TSHZ2: variants seen among roughly 807,000 people sequenced by gnomAD.
The protein encoded by TSHZ2 is teashirt zinc finger homeobox 2.
A neutral mutation model predicts 74.4 loss-of-function variants in TSHZ2; 21 were observed. The observed-to-expected ratio is 0.28, with a 90% CI of 0.20 to 0.41. The LOEUF (loss-of-function observed/expected upper bound fraction) is 0.41. Ranked by LOEUF, TSHZ2 falls within the 10% of genes least tolerant of loss-of-function variation. The probability of loss-of-function intolerance (pLI) is 1.00; values close to 1 mark genes in which losing one functional copy is unlikely to be tolerated. For synonymous variants in TSHZ2, 540 were observed against 515.3 expected, an observed-to-expected ratio of 1.05 and a Z score of -0.65; for missense variants, 1,244 against 1,293.5, an observed-to-expected ratio of 0.96 and a Z score of 0.59.
intron 2 of TSHZ2, among the ~76,000 whole-genome samples, chr20:53,436,080 G>A (rs186142977): frequency 4.0e-4 from 61 of 152,246 alleles, no homozygotes; most frequent in African/African-American, 1.3e-3. Flanking sequence ...ATCATCAGGC[G>A]TAGTGCAGTA....
chr20:53,141,350 T>G (rs1987397581), intron 1 of TSHZ2, among the ~76,000 whole-genome samples: 1 of 151,928 alleles, frequency 6.6e-6, no homozygotes, highest in African/African-American at 2.4e-5. Context: ...CATTAGTTCT[T>G]AGATAGTGTT....
intron 1 of TSHZ2, among the ~76,000 whole-genome samples, chr20:53,016,596 T>C (rs1404676134): frequency 6.6e-6 from 1 of 152,182 alleles, no homozygotes; most frequent in Non-Finnish European, 1.5e-5. Flanking sequence ...TTTTTCCTTT[T>C]TACGGTTTCC....
At chr20:53,270,567 A>G (rs1990813330) in intron 2 of TSHZ2, among the ~76,000 whole-genome samples, 1 of 152,110 alleles carries the variant, frequency 6.6e-6, no homozygotes, top group Non-Finnish European at 1.5e-5. Flanking sequence ...AAATGTCAGC[A>G]CCATTCTGGC....
intron 2 of TSHZ2, among the ~76,000 whole-genome samples, chr20:53,422,534 C>A (rs1364182034): frequency 6.6e-6 from 1 of 152,064 alleles, no homozygotes; most frequent in Admixed American, 6.5e-5. Context: ...ATCTCAGAAC[C>A]ACCCCCCTCA....
intron 1 of TSHZ2, among the ~76,000 whole-genome samples, chr20:53,097,072 C>T (rs889553145): frequency 2.6e-5 from 4 of 152,074 alleles, no homozygotes; most frequent in African/African-American, 7.2e-5. Flanking sequence ...CCCCAACATC[C>T]GCACTGTAGA....
intron 1 of TSHZ2, among the ~76,000 whole-genome samples, chr20:53,205,552 C>T (rs1354488342): frequency 1.3e-5 from 2 of 152,160 alleles, no homozygotes; most frequent in Admixed American, 1.3e-4. Context: ...TCTACATCTT[C>T]CTTCTTTTGT....
chr20:53,468,856 A>G (rs898413367), intron 2 of TSHZ2, among the ~76,000 whole-genome samples: 23 of 150,524 alleles, frequency 1.5e-4, no homozygotes, highest in African/African-American at 4.4e-4. Context: ...CAGTGTGTCA[A>G]TTATGACCCG....
At chr20:53,185,265 C>T (rs1988572769) in intron 1 of TSHZ2, 1 of 1,014,226 alleles carries the variant, frequency 9.9e-7, no homozygotes, top group Non-Finnish European at 1.2e-6. Flanking sequence ...CATAAAACCT[C>T]GTGGGTTCAA....
At chr20:53,231,196 C>T (rs532315864) in intron 1 of TSHZ2, among the ~76,000 whole-genome samples, 1 of 152,200 alleles carries the variant, frequency 6.6e-6, no homozygotes, top group African/African-American at 2.4e-5. Context: ...CTAAAACAAG[C>T]GGAATAAACA....
rs1036074023 is a variant in TSHZ2, at chr20:53,216,837, C to T, written c.41-36662C>T. Among the ~76,000 whole-genome samples, 17 of 152,306 alleles carry T rather than the reference C, an allele frequency of 1.1e-4. 1 individual carries two copies. Among genetic ancestry groups the T allele is most frequent in the Admixed American group, 7.2e-4 (11 of 15,300 alleles). On this transcript the variant is annotated intron_variant, in intron 1 of 2. Coordinates refer to ENST00000371497, the MANE Select transcript of TSHZ2 (RefSeq NM_173485.6). ...CTACATCTTGCTGGGACTGAGTTGT[C>T]TAAAAGTGAACACACCCTTCAAATG...
intron 2 of TSHZ2, among the ~76,000 whole-genome samples, chr20:53,386,899 A>G (rs1982067941): frequency 6.6e-6 from 1 of 152,012 alleles, no homozygotes; most frequent in African/African-American, 2.4e-5. Context: ...TTTTAAATGA[A>G]ATGCTCTTTT....
intron 1 of TSHZ2, among the ~76,000 whole-genome samples, chr20:53,146,379 AATC>A (rs1455352666): frequency 6.6e-6 from 1 of 152,134 alleles, no homozygotes; most frequent in Non-Finnish European, 1.5e-5. Context: ...ACCTCACACT[AATC>A]ATGCCCAGAG....
chr20:53,374,843 T>C (rs1981603153), intron 2 of TSHZ2, among the ~76,000 whole-genome samples: 1 of 152,112 alleles, frequency 6.6e-6, no homozygotes, highest in African/African-American at 2.4e-5. Context: ...ATGGGGCTGT[T>C]TTTTGCTCAC....
At chr20:53,189,131 T>A (rs1988672320) in intron 1 of TSHZ2, among the ~76,000 whole-genome samples, 1 of 152,220 alleles carries the variant, frequency 6.6e-6, no homozygotes, top group African/African-American at 2.4e-5. Flanking sequence ...CGAGAAAAAC[T>A]TTCCCCTGAA....
At chr20:53,416,178 G>A (rs940350514) in intron 2 of TSHZ2, among the ~76,000 whole-genome samples, 9 of 152,200 alleles carry the variant, frequency 5.9e-5, no homozygotes, top group African/African-American at 9.7e-5. Context: ...GGATTAGAGG[G>A]AGATGAGAGA....
At chr20:53,204,200 TATGATGATATGATACTATATCATCATATG>T (rs1989090856) in intron 1 of TSHZ2, among the ~76,000 whole-genome samples, 1 of 127,382 alleles carries the variant, frequency 7.9e-6, no homozygotes. Flanking sequence ...TATATCATCA[TATGATGATATGATACTATATCATCATATG>T]ATGATATGAT....
intron 2 of TSHZ2, among the ~76,000 whole-genome samples, chr20:53,373,322 C>T (rs552066526): frequency 6.6e-6 from 1 of 152,080 alleles, no homozygotes; most frequent in African/African-American, 2.4e-5. Context: ...AAAATATGTT[C>T]GGAAGAATTT....
chr20:53,102,799 G>A (rs1186299875), intron 1 of TSHZ2, among the ~76,000 whole-genome samples: 3 of 152,120 alleles, frequency 2.0e-5, no homozygotes, highest in African/African-American at 7.2e-5. Flanking sequence ...TTAGGAGAGG[G>A]CATTGTTTTT....
intron 2 of TSHZ2, among the ~76,000 whole-genome samples, chr20:53,469,045 T>TTATATATATA (rs143724013): frequency 0.073 from 3,537 of 48,192 alleles, 371 homozygotes; most frequent in Non-Finnish European, 0.1. Flanking sequence ...AATCGATATT[T>TTATATATATA]TATATATATA....
Sources: gnomAD v4.1 joint callset for allele counts (sites outside exome capture counted in the v4.1 genomes callset) on GRCh38, gnomAD v4.1.1 for gene constraint, MANE v1.5 for transcripts, NCBI Gene and HGNC (gene_info 2026-07-23, HGNC 2026-07-21) for gene names.